The following MAGT1 variants were observed in gnomAD, a reference collection of about 807,000 sequenced individuals.
The protein encoded by MAGT1 is dolichyl-diphosphooligosaccharide--protein glycosyltransferase subunit MAGT1.
Under a neutral mutation model 28.4 loss-of-function variants are expected in MAGT1, and 4 were observed. That is an observed-to-expected ratio of 0.14 (90% CI 0.07 to 0.32). MAGT1 has a LOEUF of 0.32. MAGT1 is among the 10% of genes least tolerant of loss of function. MAGT1 has a pLI of 1.00. For missense variants in MAGT1, 193 were observed against 264.5 expected (o/e 0.73, Z 1.88); for synonymous variants, 89 against 89.7 (o/e 0.99, Z 0.04).
chrX:77,863,329 G>A (rs1402543285), intron 3 of MAGT1, among the ~76,000 whole-genome samples: 1 of 109,085 alleles, frequency 9.2e-6, no homozygotes, highest in East Asian at 2.9e-4. Context: ...TGGCTAACAC[G>A]GTGAAGCCCC....
At chrX:77,848,309 C>A (rs1176356485) in intron 7 of MAGT1, among the ~76,000 whole-genome samples, 1 of 111,819 alleles carries the variant, frequency 8.9e-6, no homozygotes, top group Non-Finnish European at 1.9e-5. Flanking sequence ...GAGAACTGAG[C>A]AGAAATAGAG....
chrX:77,831,983 C>A (rs1214965100), intron 8 of MAGT1, among the ~76,000 whole-genome samples: 1 of 111,363 alleles, frequency 9.0e-6, no homozygotes, highest in African/African-American at 3.3e-5. Context: ...ATTGTGATAG[C>A]CTCACTTGAA....
intron 7 of MAGT1, among the ~76,000 whole-genome samples, chrX:77,846,971 G>A (rs1191139521): frequency 8.9e-6 from 1 of 111,858 alleles, no homozygotes; most frequent in Non-Finnish European, 1.9e-5. Flanking sequence ...GTCAGACAGG[G>A]ACATTTAAGT....
chrX:77,854,093 G>T, intron 6 of MAGT1, 129 bp from the exon 7 acceptor site: 1 of 536,754 alleles, frequency 1.9e-6, no homozygotes, highest in East Asian at 3.5e-5. Flanking sequence ...CATACTCCGG[G>T]TCTGTGGCAT....
At chrX:77,856,907 T>A (rs782318667) in intron 4 of MAGT1, 34 bp from the exon 5 acceptor site, 1 of 1,139,534 alleles carries the variant, frequency 8.8e-7, no homozygotes, top group Admixed American at 2.3e-5. Flanking sequence ...TGTTAAAGTA[T>A]AAAATTTTTT....
At chrX:77,886,963 T>C (rs1056083002) in intron 1 of MAGT1, among the ~76,000 whole-genome samples, 1 of 112,195 alleles carries the variant, frequency 8.9e-6, no homozygotes, top group African/African-American at 3.2e-5. Context: ...CCTGGAACGG[T>C]TGAAGAATGT....
At chrX:77,879,990 T>G (rs1426647417) in intron 1 of MAGT1, among the ~76,000 whole-genome samples, 1 of 105,285 alleles carries the variant, frequency 9.5e-6, no homozygotes, top group Non-Finnish European at 1.9e-5. Flanking sequence ...AGGAACGCAC[T>G]ACCACCCCCG....
intron 9 of MAGT1, 109 bp from the exon 10 acceptor site, chrX:77,829,344 C>T (rs782349385): frequency 4.8e-5 from 28 of 581,775 alleles, no homozygotes; most frequent in East Asian, 1.8e-4. Flanking sequence ...CATTTTGGTA[C>T]GTACATGATA....
Position 77,879,964 on chromosome X carries a change from A to G in MAGT1, c.103-4367T>C, listed in dbSNP as rs782758661. Among the ~76,000 whole-genome samples, 14 of 104,647 alleles carry G rather than the reference A, an allele frequency of 1.3e-4. No homozygotes were observed. In the South Asian group the frequency reaches 6.5e-3, roughly 49 times the overall value. The allele number at this position is 104,647 out of a possible 115,157, so 90.9% of individuals were successfully genotyped here. On this transcript the variant is annotated intron_variant, in intron 1 of 9. Transcript: ENST00000618282. ...AGTGATTCTCGTGCCTCAGCCTCCA[A>G]AGTAGCTGGGATTACAGGAACGCAC...
At chrX:77,854,069 G>GGTTT in intron 6 of MAGT1, 105 bp from the exon 7 acceptor site, 1 of 612,949 alleles carries the variant, frequency 1.6e-6, no homozygotes, top group Non-Finnish European at 2.8e-6. Context: ...TAATTCACCT[G>GGTTT]ATAAACCATG....
At chrX:77,832,957 A>G (rs1313605103) in intron 8 of MAGT1, among the ~76,000 whole-genome samples, 1 of 111,824 alleles carries the variant, frequency 8.9e-6, no homozygotes, top group African/African-American at 3.2e-5. Flanking sequence ...TAAATGTTAA[A>G]CAATATTTCT....
At chrX:77,853,396 T>C (rs1206236960) in intron 7 of MAGT1, among the ~76,000 whole-genome samples, 1 of 112,151 alleles carries the variant, frequency 8.9e-6, no homozygotes, top group Non-Finnish European at 1.9e-5. Context: ...AATTTCTAAG[T>C]AGCCTCAATT....
intron 4 of MAGT1, among the ~76,000 whole-genome samples, 181 bp downstream of exon 4, chrX:77,857,176 T>TAA (rs1457298846): frequency 2.7e-5 from 3 of 111,413 alleles, no homozygotes; most frequent in Non-Finnish European, 3.8e-5. Flanking sequence ...TTCAATAGGG[T>TAA]AATAGAGAGT....
Position 77,828,962 on chromosome X carries a change from G to T in MAGT1, c.*258C>A. 1.7e-5 allele frequency: 5 copies of T among 286,525 alleles called. No individual in the cohort carries two copies. The highest frequency in any genetic ancestry group is 1.9e-5 in the Non-Finnish European group (3 of 160,273). 23.6% of individuals were successfully genotyped at this position (286,525 alleles called of 1,213,427 possible). The stretch of plus-strand genomic sequence containing the variant: ...TACAATTTTTATAATATACTTAATT[G>T]TACTAAATTAAATGTTCCATAAAGT... On this transcript the variant is annotated 3_prime_UTR_variant, in exon 10 of 10. Transcript: ENST00000618282.
At chrX:77,844,335 CTCTTT>C (rs1557214683) in intron 7 of MAGT1, among the ~76,000 whole-genome samples, 1 of 111,241 alleles carries the variant, frequency 9.0e-6, no homozygotes, top group Non-Finnish European at 1.9e-5. Context: ...TGATTCTTCT[CTCTTT>C]TCTTCTTTAT....
chrX:77,891,206 C>A (rs782728798), intron 1 of MAGT1, among the ~76,000 whole-genome samples: 2 of 111,207 alleles, frequency 1.8e-5, no homozygotes, highest in Admixed American at 1.9e-4. Context: ...TAGCACAAAA[C>A]ATAGGCTTTG....
intron 3 of MAGT1, among the ~76,000 whole-genome samples, chrX:77,865,694 A>G (rs1290710278): frequency 1.8e-5 from 2 of 112,319 alleles, no homozygotes; most frequent in Non-Finnish European, 3.8e-5. Flanking sequence ...GGCAAGTGAT[A>G]TAACAATACA....
At chrX:77,868,395 G>C (rs1293838770) in intron 3 of MAGT1, 3 of 105,772 alleles carry the variant, frequency 2.8e-5, no homozygotes, top group African/African-American at 9.9e-5. Flanking sequence ...CCAGCACTTT[G>C]GGAGGCTGAG....
At chrX:77,880,795 T>C (rs1241985349) in intron 1 of MAGT1, among the ~76,000 whole-genome samples, 1 of 106,967 alleles carries the variant, frequency 9.3e-6, no homozygotes, top group Non-Finnish European at 1.9e-5. Flanking sequence ...TCATCTCTAC[T>C]AAAAATATAA....
Sources: gnomAD v4.1 joint callset for allele counts (sites outside exome capture counted in the v4.1 genomes callset) on GRCh38, gnomAD v4.1.1 for gene constraint, MANE v1.5 for transcripts, NCBI Gene and HGNC (gene_info 2026-07-23, HGNC 2026-07-21) for gene names.